Variants in NBAS observed in about 807,000 individuals in gnomAD.
NBAS encodes NBAS subunit of NRZ tethering complex.
A neutral mutation model predicts 302.5 loss-of-function variants in NBAS; 219 were observed. The ratio of observed to expected loss-of-function variants is 0.72; its 90% CI spans 0.65 to 0.81. The LOEUF is 0.81. NBAS is among the 30% of genes least tolerant of loss of function. The pLI, the probability that NBAS is intolerant of heterozygous loss-of-function variation, is 0.00. For synonymous variants in NBAS, 1,118 were observed against 1,021.6 expected (o/e 1.09, Z -1.80); for missense variants, 2,932 against 2,841.6 (o/e 1.03, Z -0.72).
intron 35 of NBAS, 86 bp from the exon 36 acceptor site, chr2:15,330,851 A>T (rs1672309204): frequency 7.2e-7 from 1 of 1,397,508 alleles, no homozygotes; most frequent in Non-Finnish European, 9.9e-7. Flanking sequence ...GCTTAAAATG[A>T]TCAGATATTA....
the NBAS span, among the ~76,000 whole-genome samples, chr2:14,985,579 A>G: frequency 1.3e-5 from 2 of 152,248 alleles, no homozygotes; most frequent in African/African-American, 4.8e-5. Context: ...TGAGTCCCCA[A>G]GATCTCAGAC....
At chr2:15,440,086 A>C (rs868669303) in intron 21 of NBAS, among the ~76,000 whole-genome samples, 1 of 152,260 alleles carries the variant, frequency 6.6e-6, no homozygotes, top group South Asian at 2.1e-4. Context: ...CAGGGCACAG[A>C]CAAACTAAAA....
intron 11 of NBAS, among the ~76,000 whole-genome samples, chr2:15,501,868 T>A (rs1661584227): frequency 3.3e-5 from 5 of 151,894 alleles, no homozygotes; most frequent in Admixed American, 2.6e-4. Flanking sequence ...GCTTAAGTGA[T>A]CCTCCCACCT....
chr2:14,851,383 G>C, the NBAS span, among the ~76,000 whole-genome samples: 1 of 152,096 alleles, frequency 6.6e-6, no homozygotes, highest in African/African-American at 2.4e-5. Context: ...AAACCAGGAA[G>C]AAGTTGAATC....
the NBAS span, among the ~76,000 whole-genome samples, chr2:14,848,002 G>T: frequency 6.6e-6 from 1 of 152,128 alleles, no homozygotes; most frequent in Admixed American, 6.5e-5. Context: ...CAGACATATG[G>T]AAATTAAAAA....
At chr2:15,133,604 C>A in the NBAS span, among the ~76,000 whole-genome samples, 1 of 152,088 alleles carries the variant, frequency 6.6e-6, no homozygotes, top group South Asian at 2.1e-4. Context: ...GTTGATGCTA[C>A]AATGGGCAGT....
At chr2:15,176,813 G>A (rs990645174) in intron 51 of NBAS, among the ~76,000 whole-genome samples, 4 of 152,202 alleles carry the variant, frequency 2.6e-5, no homozygotes, top group Admixed American at 2.6e-4. Flanking sequence ...CATGAAAGAT[G>A]TCACACTGGG....
Position 15,276,871 on chromosome 2 carries a change from T to G in NBAS, c.5369A>C (p.Lys1790Thr). ...CCTACCTGATGCAACAACCTTAAAC[T>G]TCTTCAGCAGTCGAATGTGGGTTTC... is the stretch of plus-strand genomic sequence containing the variant. ...KPETHIRLLK[K>T]FKVVASGLNY... The change falls in exon 43 of 52, where the codon AAG becomes ACG. Residue 1790 changes from lysine (K) to threonine (T), a missense_variant. Physicochemically the swap from Lys to Thr is moderately conservative, Grantham distance 78. Coordinates refer to ENST00000281513, the MANE Select transcript of NBAS (RefSeq NM_015909.4). 7 of 1,614,068 alleles carry G rather than the reference T, an allele frequency of 4.3e-6. No homozygotes were observed. The highest frequency in any genetic ancestry group is 5.9e-6 in the Non-Finnish European group (7 of 1,179,960).
intron 21 of NBAS, among the ~76,000 whole-genome samples, chr2:15,431,682 T>A (rs1458876872): frequency 6.6e-6 from 1 of 152,136 alleles, no homozygotes; most frequent in East Asian, 1.9e-4. Flanking sequence ...AAAATGGATA[T>A]GTCAAGGAGG....
intron 28 of NBAS, among the ~76,000 whole-genome samples, chr2:15,392,988 C>T (rs1315959754): frequency 1.3e-5 from 2 of 151,856 alleles, no homozygotes; most frequent in Non-Finnish European, 2.9e-5. Flanking sequence ...TTCAAGAAAA[C>T]TGCAAAGGTA....
the NBAS span, among the ~76,000 whole-genome samples, chr2:15,094,763 T>C: frequency 6.6e-6 from 1 of 152,134 alleles, no homozygotes; most frequent in Non-Finnish European, 1.5e-5. Flanking sequence ...CCCTTTGCAG[T>C]CTGTCCTCCA....
At chr2:15,436,755 T>C (rs1324093092) in intron 21 of NBAS, among the ~76,000 whole-genome samples, 2 of 152,218 alleles carry the variant, frequency 1.3e-5, no homozygotes, top group African/African-American at 4.8e-5. Context: ...GTATTTCCAT[T>C]ACTGCTGTCA....
At chr2:15,436,607 T>C (rs956871692) in intron 21 of NBAS, among the ~76,000 whole-genome samples, 2 of 152,256 alleles carry the variant, frequency 1.3e-5, no homozygotes, top group African/African-American at 4.8e-5. Context: ...GGTAGCACGA[T>C]TCACAGCATG....
intron 51 of NBAS, among the ~76,000 whole-genome samples, 192 bp downstream of exon 51, chr2:15,178,796 G>A (rs1011139080): frequency 1.3e-5 from 2 of 152,170 alleles, no homozygotes; most frequent in African/African-American, 2.4e-5. Flanking sequence ...CACGGGAAGA[G>A]CTTAGTAAGT....
intron 5 of NBAS, 74 bp from the exon 6 acceptor site, chr2:15,551,610 G>A: frequency 9.0e-7 from 1 of 1,105,942 alleles, no homozygotes; most frequent in South Asian, 1.4e-5. Context: ...CAGATACTGT[G>A]GACTAGACAG....
the NBAS span, among the ~76,000 whole-genome samples, chr2:14,931,192 G>T: frequency 6.6e-6 from 1 of 152,228 alleles, no homozygotes. Flanking sequence ...GGATACAGAG[G>T]CAGAATCCTG....
chr2:14,907,575 T>G, the NBAS span: 1 of 152,256 alleles, frequency 6.6e-6, no homozygotes, highest in South Asian at 2.1e-4. Flanking sequence ...TTTCCTACCT[T>G]CCAAGTTTCC....
intron 21 of NBAS, among the ~76,000 whole-genome samples, chr2:15,460,807 T>C (rs1312891794): frequency 2.6e-5 from 4 of 152,232 alleles, no homozygotes; most frequent in African/African-American, 9.6e-5. Context: ...AAAGGGTTGC[T>C]GAGCAAAGGA....
At chr2:15,143,074 T>G in the NBAS span, among the ~76,000 whole-genome samples, 2 of 152,242 alleles carry the variant, frequency 1.3e-5, no homozygotes, top group African/African-American at 2.4e-5. Context: ...GGTTATTTTC[T>G]GCTTTCAGCG....
Sources: gnomAD v4.1 joint callset for allele counts (sites outside exome capture counted in the v4.1 genomes callset) on GRCh38, gnomAD v4.1.1 for gene constraint, MANE v1.5 for transcripts, NCBI Gene and HGNC (gene_info 2026-07-23, HGNC 2026-07-21) for gene names.